Variants in PBX1 observed in about 807,000 individuals in gnomAD.
PBX1 encodes pre-B-cell leukemia transcription factor 1.
A neutral mutation model predicts 53.4 loss-of-function variants in PBX1; 6 were observed. The observed-to-expected ratio is 0.11, with a 90% CI of 0.06 to 0.22. The LOEUF (loss-of-function observed/expected upper bound fraction) is 0.22. Among genes scored for constraint, PBX1 ranks in the 10% least tolerant of loss-of-function variants. PBX1 has a pLI of 1.00. For synonymous variants in PBX1, 204 were observed against 212.3 expected (o/e 0.96, Z 0.34); for missense variants, 251 against 551.4 (o/e 0.46, Z 5.46).
At chr1:164,835,179 A>T (rs999498909) in intron 8 of PBX1, among the ~76,000 whole-genome samples, 2 of 152,102 alleles carry the variant, frequency 1.3e-5, no homozygotes, top group African/African-American at 4.8e-5. Flanking sequence ...GTTATAGGGA[A>T]AGTCCACAAT....
intron 2 of PBX1, among the ~76,000 whole-genome samples, chr1:164,661,977 C>G (rs1157556926): frequency 3.9e-5 from 6 of 152,130 alleles, no homozygotes; most frequent in African/African-American, 9.7e-5. Flanking sequence ...TGAGTACTTT[C>G]CAAATCCTAA....
At chr1:164,692,252 A>G (rs747465433) in intron 2 of PBX1, among the ~76,000 whole-genome samples, 3 of 152,228 alleles carry the variant, frequency 2.0e-5, no homozygotes, top group African/African-American at 7.2e-5. Flanking sequence ...GCAGAAGTGA[A>G]TATCATGAGG....
chr1:164,610,124 G>A (rs777221985), intron 2 of PBX1, among the ~76,000 whole-genome samples: 1 of 152,158 alleles, frequency 6.6e-6, no homozygotes, highest in Non-Finnish European at 1.5e-5. Context: ...ATTGGTGGCC[G>A]CCGCCTCCTT....
chr1:164,734,845 G>C (rs1356245275), intron 2 of PBX1, among the ~76,000 whole-genome samples: 23 of 152,044 alleles, frequency 1.5e-4, no homozygotes, highest in Non-Finnish European at 4.4e-5. Context: ...CTAACTTTCT[G>C]CTATTACTTT....
intron 2 of PBX1, among the ~76,000 whole-genome samples, chr1:164,754,506 T>A (rs1352222179): frequency 1.3e-5 from 2 of 152,248 alleles, no homozygotes; most frequent in Admixed American, 1.3e-4. Context: ...AGTGACTGGT[T>A]TGTTTCAACA....
chr1:164,632,119 C>T (rs796954388), intron 2 of PBX1, among the ~76,000 whole-genome samples: 2 of 152,322 alleles, frequency 1.3e-5, no homozygotes, highest in Admixed American at 6.5e-5. Context: ...CCTCTCTGGA[C>T]AAATACTAAT....
intron 2 of PBX1, among the ~76,000 whole-genome samples, chr1:164,724,556 C>T (rs559100113): frequency 2.0e-5 from 3 of 151,988 alleles, no homozygotes; most frequent in Non-Finnish European, 2.9e-5. Flanking sequence ...TGGTCTGGGC[C>T]GCATGTGGCT....
At chr1:164,876,134 TTAGA>T (rs1341892908) in intron 2 of PBX1, among the ~76,000 whole-genome samples, 1 of 151,448 alleles carries the variant, frequency 6.6e-6, no homozygotes, top group Non-Finnish European at 1.5e-5. Flanking sequence ...TAGTGAGTAG[TTAGA>T]TGAGGTAATA....
At chr1:164,711,424 C>T (rs927714760) in intron 2 of PBX1, among the ~76,000 whole-genome samples, 7 of 152,160 alleles carry the variant, frequency 4.6e-5, no homozygotes, top group South Asian at 4.1e-4. Context: ...CCACCATGCC[C>T]GGCTAATTTT....
At chr1:164,688,488 A>G (rs1394666284) in intron 2 of PBX1, among the ~76,000 whole-genome samples, 3 of 152,126 alleles carry the variant, frequency 2.0e-5, no homozygotes, top group Non-Finnish European at 2.9e-5. Flanking sequence ...TTACTTCCGC[A>G]TTTGCTCATG....
intron 2 of PBX1, among the ~76,000 whole-genome samples, chr1:164,862,897 T>C (rs1672132707): frequency 6.6e-6 from 1 of 152,114 alleles, no homozygotes; most frequent in African/African-American, 2.4e-5. Flanking sequence ...TCTGTAGTGG[T>C]GGTTGTTGAT....
intron 2 of PBX1, among the ~76,000 whole-genome samples, chr1:164,649,027 A>C (rs889325375): frequency 6.6e-6 from 1 of 151,936 alleles, no homozygotes; most frequent in African/African-American, 2.4e-5. Context: ...AAGATGACAC[A>C]CCTCTGTGGG....
intron 2 of PBX1, among the ~76,000 whole-genome samples, chr1:164,756,012 A>AG (rs1380635637): frequency 1.8e-4 from 28 of 151,436 alleles, no homozygotes; most frequent in Middle Eastern, 3.5e-3. Flanking sequence ...AAAAAAAAAA[A>AG]AAAGAAAGAA....
At chr1:164,651,533 G>A (rs983268989) in intron 2 of PBX1, among the ~76,000 whole-genome samples, 31 of 152,090 alleles carry the variant, frequency 2.0e-4, no homozygotes, top group Non-Finnish European at 3.2e-4. Flanking sequence ...CAAAGCTCAA[G>A]GTGTCAAATT....
intron 2 of PBX1, among the ~76,000 whole-genome samples, chr1:164,710,836 T>G (rs2102072272): frequency 6.6e-6 from 1 of 152,314 alleles, no homozygotes. Context: ...TTTGAAATAT[T>G]GTGAAACATG....
At chr1:164,685,406 A>G (rs960390179) in intron 2 of PBX1, among the ~76,000 whole-genome samples, 2 of 152,226 alleles carry the variant, frequency 1.3e-5, no homozygotes, top group Non-Finnish European at 2.9e-5. Flanking sequence ...AATGTCCCAG[A>G]CAAGTTTACT....
rs1465034638 is a variant in PBX1 at position 164,801,136 on chromosome 1, C to T, written c.701+1247C>T. ...CGGCTAGCAAAATGTAACTCTGGGC[C>T]AGTAGAATTCCATAGAATAAGTCAA... is the stretch of plus-strand genomic sequence containing the variant. On this transcript the variant is annotated intron_variant, in intron 4 of 8. Transcript: ENST00000420696. 3.3e-5 allele frequency among the ~76,000 whole-genome samples: 5 copies of T among 152,112 alleles called. No individual in the cohort carries two copies. In the East Asian group the frequency reaches 9.6e-4, roughly 29 times the overall value.
At position 164,796,941 on chromosome 1, in the gene PBX1, C is replaced by T. The variant is rs577091454; in HGVS notation, c.511-2758C>T. Among the ~76,000 whole-genome samples, 19 of 152,310 alleles carry T rather than the reference C, an allele frequency of 1.2e-4. No homozygotes were observed. The South Asian group carries it at 1.7e-3, about 13-fold the overall frequency. ...GGAAGTAGCCCAGCTTCTTTAGATACAAGGCTTGAGGGAAGTGAGGAGGAG... is the reference window on the plus strand; with the variant it reads ...GGAAGTAGCCCAGCTTCTTTAGATATAAGGCTTGAGGGAAGTGAGGAGGAG... On this transcript the variant is annotated intron_variant, in intron 3 of 8. Coordinates refer to ENST00000420696, the MANE Select transcript of PBX1 (RefSeq NM_002585.4).
intron 8 of PBX1, among the ~76,000 whole-genome samples, chr1:164,823,898 C>T (rs796480382): frequency 1.3e-5 from 2 of 152,148 alleles, no homozygotes; most frequent in Admixed American, 6.5e-5. Flanking sequence ...AATTGTGCCA[C>T]CTGCAGGAGG....
Sources: gnomAD v4.1 joint callset for allele counts (sites outside exome capture counted in the v4.1 genomes callset) on GRCh38, gnomAD v4.1.1 for gene constraint, MANE v1.5 for transcripts, NCBI Gene and HGNC (gene_info 2026-07-23, HGNC 2026-07-21) for gene names.